Variants in DPP6 observed in about 807,000 individuals in gnomAD.
DPP6 encodes the protein A-type potassium channel modulatory protein DPP6.
A neutral mutation model predicts 122.6 loss-of-function variants in DPP6; 69 were observed. The ratio of observed to expected loss-of-function variants is 0.56; its 90% CI spans 0.46 to 0.69. DPP6 has a LOEUF of 0.69. Ranked by LOEUF, DPP6 falls within the 30% of genes least tolerant of loss-of-function variation. The probability of loss-of-function intolerance (pLI) is 0.00; values close to 1 mark genes in which losing one functional copy is unlikely to be tolerated. For missense variants in DPP6, 928 were observed against 1,116.9 expected, an observed-to-expected ratio of 0.83 and a Z score of 2.41; for synonymous variants, 418 against 433.1, an observed-to-expected ratio of 0.97 and a Z score of 0.43.
intron 16 of DPP6, among the ~76,000 whole-genome samples, chr7:154,828,222 GGCATCA>G (rs1800338073): frequency 6.6e-6 from 1 of 152,142 alleles, no homozygotes; most frequent in African/African-American, 2.4e-5. Flanking sequence ...GGGAAGATGG[GGCATCA>G]GCTCAGGGAT....
At chr7:154,354,708 TGTA>T (rs1811135146) in intron 1 of DPP6, among the ~76,000 whole-genome samples, 3 of 152,196 alleles carry the variant, frequency 2.0e-5, no homozygotes, top group Admixed American at 6.5e-5. Context: ...TCGCCTCACA[TGTA>T]GTACTGGTTC....
intron 8 of DPP6, among the ~76,000 whole-genome samples, chr7:154,748,173 A>C (rs190913914): frequency 1.3e-3 from 204 of 152,278 alleles, no homozygotes; most frequent in African/African-American, 4.6e-3. Flanking sequence ...GCCACAGAAA[A>C]GGGTGATGGG....
chr7:153,888,074 C>T (rs909141680), intron 1 of DPP6, among the ~76,000 whole-genome samples: 2 of 152,156 alleles, frequency 1.3e-5, no homozygotes, highest in African/African-American at 2.4e-5. Context: ...CCCCAGGGCT[C>T]TTCTGGGGAA....
chr7:154,519,583 G>C (rs1054187843), intron 3 of DPP6, among the ~76,000 whole-genome samples: 14 of 152,362 alleles, frequency 9.2e-5, no homozygotes, highest in Admixed American at 7.8e-4. Context: ...GGAGAGTGAA[G>C]AAACCTCTAA....
At chr7:154,754,663 A>AATT (rs1348166154) in intron 8 of DPP6, among the ~76,000 whole-genome samples, 1 of 152,240 alleles carries the variant, frequency 6.6e-6, no homozygotes, top group Non-Finnish European at 1.5e-5. Context: ...GAACATGTGA[A>AATT]GACACATGCA....
intron 1 of DPP6, among the ~76,000 whole-genome samples, chr7:154,386,167 G>A (rs1298515253): frequency 6.6e-6 from 1 of 152,118 alleles, no homozygotes; most frequent in Non-Finnish European, 1.5e-5. Context: ...TTTAAACTCT[G>A]AAATCGGTAT....
chr7:154,316,445 G>A (rs942531262), intron 1 of DPP6, among the ~76,000 whole-genome samples: 2 of 152,120 alleles, frequency 1.3e-5, no homozygotes, highest in East Asian at 1.9e-4. Flanking sequence ...GCCCTTTTTT[G>A]TTGTTGAAAC....
At chr7:154,663,720 T>C in intron 6 of DPP6, among the ~76,000 whole-genome samples, 1 of 52,308 alleles carries the variant, frequency 1.9e-5, no homozygotes, top group African/African-American at 4.1e-5. Context: ...CATATAGTCA[T>C]GGTGAATCAC....
chr7:153,843,175 A>ATACACACAC, the DPP6 span, among the ~76,000 whole-genome samples: 2 of 151,722 alleles, frequency 1.3e-5, no homozygotes, highest in Non-Finnish European at 2.9e-5. Flanking sequence ...TACACACACG[A>ATACACACAC]GTGCATACAC....
intron 8 of DPP6, among the ~76,000 whole-genome samples, chr7:154,732,131 C>G (rs1239302266): frequency 6.6e-6 from 1 of 151,986 alleles, no homozygotes; most frequent in East Asian, 1.9e-4. Context: ...CTCCGCCTCC[C>G]AGGGTCACAC....
At chr7:154,582,896 T>G (rs1832170030) in intron 5 of DPP6, among the ~76,000 whole-genome samples, 1 of 152,188 alleles carries the variant, frequency 6.6e-6, no homozygotes, top group South Asian at 2.1e-4. Context: ...TTCCCCATGT[T>G]ATACCCCCGG....
chr7:154,190,525 TA>T (rs1798566293), intron 1 of DPP6, among the ~76,000 whole-genome samples: 2 of 152,222 alleles, frequency 1.3e-5, no homozygotes, highest in Admixed American at 1.3e-4. Flanking sequence ...GGTACTTAAG[TA>T]TATGATTTAA....
intron 1 of DPP6, among the ~76,000 whole-genome samples, chr7:154,250,443 T>C (rs1015745717): frequency 2.0e-5 from 3 of 151,808 alleles, no homozygotes; most frequent in Non-Finnish European, 2.9e-5. Flanking sequence ...CTGGTGTGCA[T>C]TGCCCAGAGA....
chr7:154,814,793 T>G (rs868392871), intron 16 of DPP6, among the ~76,000 whole-genome samples: 1 of 152,178 alleles, frequency 6.6e-6, no homozygotes, highest in Non-Finnish European at 1.5e-5. Context: ...TCCTTGGCAT[T>G]TTTTGACTTA....
intron 1 of DPP6, among the ~76,000 whole-genome samples, chr7:154,238,295 G>A (rs989359826): frequency 1.3e-5 from 2 of 152,110 alleles, no homozygotes; most frequent in Admixed American, 6.5e-5. Flanking sequence ...ATAAAGATAC[G>A]TACTTTTCCT....
chr7:154,209,107 G>T (rs897740574), intron 1 of DPP6, among the ~76,000 whole-genome samples: 2 of 152,280 alleles, frequency 1.3e-5, no homozygotes, highest in South Asian at 4.1e-4. Context: ...ATGAGGATCT[G>T]GATGGAGAGT....
intron 1 of DPP6, among the ~76,000 whole-genome samples, chr7:154,098,747 G>T (rs1447498168): frequency 1.3e-5 from 2 of 150,766 alleles, no homozygotes; most frequent in Non-Finnish European, 2.9e-5. Flanking sequence ...AAAGAGGAAT[G>T]GCCCTATTGT....
Position 154,893,184 on chromosome 7 carries a change from G to A in DPP6, c.*704G>A, listed in dbSNP as rs1806767950. ...TTTCCCTTTCCTTTCTCCAGTCCAC[G>A]TGTAGACTTTGCGCTTGATGAAGAA... On this transcript the variant is annotated 3_prime_UTR_variant, in exon 26 of 26. Coordinates refer to ENST00000377770, the MANE Select transcript of DPP6 (RefSeq NM_130797.4). 1 of 310,198 alleles carries A rather than the reference G, an allele frequency of 3.2e-6. No homozygotes were observed. Among genetic ancestry groups the A allele is most frequent in the Non-Finnish European group, 6.2e-6 (1 of 160,626 alleles). The allele number at this position is 310,198 out of a possible 1,614,324, so 19.2% of individuals were successfully genotyped here. A position where few individuals can be genotyped will look rare whatever the true frequency, so the allele number is the denominator to read the frequency against.
intron 1 of DPP6, among the ~76,000 whole-genome samples, chr7:154,273,072 C>G (rs888072312): frequency 6.6e-6 from 1 of 152,162 alleles, no homozygotes; most frequent in African/African-American, 2.4e-5. Flanking sequence ...AACTAATTTT[C>G]TAGTGTAGAA....
Sources: allele counts gnomAD v4.1 joint callset (sites outside exome capture counted in the v4.1 genomes callset), GRCh38; gene constraint gnomAD v4.1.1; transcripts MANE v1.5; gene names NCBI Gene and HGNC (gene_info 2026-07-23, HGNC 2026-07-21).